The following ROBO1 variants were observed in gnomAD, a reference collection of about 807,000 sequenced individuals.
ROBO1 encodes roundabout guidance receptor 1, also known as roundabout homolog 1.
ROBO1 carries 149 observed loss-of-function variants against 195.9 expected under a neutral mutation model. That is an observed-to-expected ratio of 0.76 (90% CI 0.67 to 0.87). The LOEUF (loss-of-function observed/expected upper bound fraction) is 0.87, where lower values mean the gene tolerates loss of function less well. Among genes scored for constraint, ROBO1 ranks in the 40% least tolerant of loss-of-function variants. ROBO1 has a pLI of 0.00. For synonymous variants in ROBO1, 816 were observed against 733.2 expected (o/e 1.11, Z -1.82); for missense variants, 1,933 against 2,068.3 (o/e 0.93, Z 1.27).
chr3:79,464,862 G>A (rs917221375), intron 2 of ROBO1, among the ~76,000 whole-genome samples: 9 of 152,098 alleles, frequency 5.9e-5, no homozygotes, highest in African/African-American at 2.2e-4. Flanking sequence ...ATAGGTGCAG[G>A]TACTCTACAC....
At chr3:79,623,861 T>C (rs1945085898) in intron 1 of ROBO1, among the ~76,000 whole-genome samples, 3 of 151,772 alleles carry the variant, frequency 2.0e-5, no homozygotes, top group Admixed American at 6.6e-5. Flanking sequence ...ACTAAGACAC[T>C]CCATGAGAAG....
At chr3:79,543,551 T>C (rs1942155075) in intron 2 of ROBO1, among the ~76,000 whole-genome samples, 2 of 152,092 alleles carry the variant, frequency 1.3e-5, no homozygotes, top group Admixed American at 6.6e-5. Context: ...GAGCAGCATA[T>C]AAAATTTTCT....
intron 2 of ROBO1, among the ~76,000 whole-genome samples, chr3:79,148,131 C>T (rs529219446): frequency 9.9e-5 from 15 of 151,818 alleles, no homozygotes; most frequent in African/African-American, 2.9e-4. Flanking sequence ...TTGATTCCTC[C>T]CTCTTCTTTG....
intron 4 of ROBO1, among the ~76,000 whole-genome samples, chr3:78,814,429 CAT>C (rs1189806083): frequency 8.5e-5 from 13 of 152,134 alleles, no homozygotes; most frequent in Non-Finnish European, 1.9e-4. Context: ...TTTTATAGCA[CAT>C]GTCAATCCAC....
At chr3:79,143,025 G>A (rs536415485) in intron 2 of ROBO1, among the ~76,000 whole-genome samples, 3 of 152,060 alleles carry the variant, frequency 2.0e-5, no homozygotes, top group Non-Finnish European at 4.4e-5. Flanking sequence ...AGTGTAATAC[G>A]GGAGTCAGAA....
chr3:78,960,726 G>A (rs28667917), intron 3 of ROBO1, among the ~76,000 whole-genome samples: 21,150 of 150,248 alleles, frequency 0.14, 2,147 homozygotes, highest in African/African-American at 0.29. Flanking sequence ...GCAGTGAGCC[G>A]AGATTGCGCC....
intron 2 of ROBO1, among the ~76,000 whole-genome samples, chr3:79,391,122 C>CAAAA (rs952765742): frequency 3.2e-4 from 32 of 100,806 alleles, no homozygotes; most frequent in African/African-American, 1.0e-3. Context: ...CTGTCTCTAC[C>CAAAA]AAAAAAAAAA....
chr3:79,698,518 A>G (rs1295678501), intron 1 of ROBO1, among the ~76,000 whole-genome samples: 1 of 151,522 alleles, frequency 6.6e-6, no homozygotes, highest in East Asian at 1.9e-4. Flanking sequence ...TAAATTCTAG[A>G]CTATTTTTCA....
chr3:79,202,068 A>C (rs111296645), intron 2 of ROBO1, among the ~76,000 whole-genome samples: 33 of 151,990 alleles, frequency 2.2e-4, no homozygotes, highest in African/African-American at 8.0e-4. Context: ...GAAACCATCC[A>C]TGATCCTTCA....
At chr3:79,455,230 GC>G (rs1260512521) in intron 2 of ROBO1, among the ~76,000 whole-genome samples, 2 of 152,002 alleles carry the variant, frequency 1.3e-5, no homozygotes, top group Non-Finnish European at 2.9e-5. Context: ...AGGGCCTGAA[GC>G]TAGAGTACGA....
intron 1 of ROBO1, among the ~76,000 whole-genome samples, chr3:79,652,921 TAAAGA>T (rs1359835820): frequency 2.0e-5 from 3 of 151,910 alleles, no homozygotes; most frequent in Non-Finnish European, 2.9e-5. Flanking sequence ...CCATTCTACT[TAAAGA>T]AAAGAATAAA....
At chr3:79,104,408 G>C (rs572222186) in intron 3 of ROBO1, among the ~76,000 whole-genome samples, 2 of 151,622 alleles carry the variant, frequency 1.3e-5, no homozygotes, top group African/African-American at 2.4e-5. Flanking sequence ...ATAATTACTC[G>C]CTGATAAATA....
Position 78,876,421 on chromosome 3 carries a change from A to G in ROBO1, c.499+62180T>C, listed in dbSNP as rs868103198. Among the ~76,000 whole-genome samples, 3 of 152,156 alleles carry G rather than the reference A, an allele frequency of 2.0e-5. No homozygotes were observed. The South Asian group carries it at 6.2e-4, about 31-fold the overall frequency. ...GTGTTGTGCTTATTGAGATTGTCGT[A>G]TAGTCTATTAATAAGTTCAGAGAAG... On this transcript the variant is annotated intron_variant, in intron 4 of 30. Transcript: ENST00000464233.
chr3:79,755,460 G>T (rs7618245), intron 1 of ROBO1, among the ~76,000 whole-genome samples: 1 of 152,040 alleles, frequency 6.6e-6, no homozygotes, highest in African/African-American at 2.4e-5. Flanking sequence ...TGCCCTCTGC[G>T]TGTTAGATGA....
At chr3:79,116,601 C>A (rs1318916554) in intron 3 of ROBO1, among the ~76,000 whole-genome samples, 4 of 150,378 alleles carry the variant, frequency 2.7e-5, no homozygotes, top group South Asian at 2.1e-4. Flanking sequence ...CTCATTGCAA[C>A]CTGTCTCCTG....
At position 78,614,811 on chromosome 3, in the gene ROBO1, A is replaced by G. The variant is rs754360968; in HGVS notation, c.4283-11T>C. 3.4e-5 allele frequency: 52 copies of G among 1,546,680 alleles called. No homozygotes were observed. The highest frequency in any genetic ancestry group is 1.6e-4 in the Admixed American group (8 of 50,370). ...GAAAATGTCGACGGCCTAAGGAGAA[A>G]AAAAAAAAAAATCCAAGCCAAACTC... On this transcript the variant is annotated splice_polypyrimidine_tract_variant and intron_variant, in intron 27 of 30. Transcript: ENST00000464233.
chr3:79,506,072 T>A (rs1177680618), intron 2 of ROBO1, among the ~76,000 whole-genome samples: 1 of 152,160 alleles, frequency 6.6e-6, no homozygotes, highest in East Asian at 1.9e-4. Flanking sequence ...CTTATCTGAA[T>A]GAATAAAGAA....
intron 2 of ROBO1, among the ~76,000 whole-genome samples, chr3:79,423,755 A>C (rs1416993114): frequency 2.0e-5 from 3 of 152,092 alleles, no homozygotes; most frequent in Non-Finnish European, 1.5e-5. Flanking sequence ...GACAAATATA[A>C]AGTGTAGTTT....
At chr3:78,769,855 A>C (rs2083327308) in intron 4 of ROBO1, among the ~76,000 whole-genome samples, 1 of 152,154 alleles carries the variant, frequency 6.6e-6, no homozygotes. Context: ...CGCTGGATAC[A>C]AAATTCTTGG....
Sources: allele counts gnomAD v4.1 joint callset (sites outside exome capture counted in the v4.1 genomes callset), GRCh38; gene constraint gnomAD v4.1.1; transcripts MANE v1.5; gene names NCBI Gene and HGNC (gene_info 2026-07-23, HGNC 2026-07-21).